Variants in RANBP17 observed in about 807,000 individuals in gnomAD.
The protein encoded by RANBP17 is RAN binding protein 17.
A neutral mutation model predicts 141.2 loss-of-function variants in RANBP17; 158 were observed. The ratio of observed to expected loss-of-function variants is 1.12; its 90% CI spans 0.98 to 1.28. RANBP17 has a LOEUF of 1.28. Ranked by LOEUF, RANBP17 falls within the 50% of genes most tolerant of loss-of-function variation. RANBP17 has a pLI of 0.00. For synonymous variants in RANBP17, 430 were observed against 450.0 expected (o/e 0.96, Z 0.56); for missense variants, 1,438 against 1,290.7 (o/e 1.11, Z -1.75).
At chr5:171,170,295 A>C (rs1760012882) in intron 15 of RANBP17, 92 bp downstream of exon 15, 1 of 524,300 alleles carries the variant, frequency 1.9e-6, no homozygotes, top group African/African-American at 2.0e-5. Flanking sequence ...TTATATATTA[A>C]TTTTTAAATA....
intron 14 of RANBP17, among the ~76,000 whole-genome samples, chr5:171,063,936 G>A (rs1215051282): frequency 1.3e-5 from 2 of 152,244 alleles, no homozygotes; most frequent in African/African-American, 2.4e-5. Context: ...AGCAGTCAGC[G>A]AGACTCCGTG....
chr5:171,127,770 AC>A (rs1756591304), intron 14 of RANBP17, among the ~76,000 whole-genome samples: 1 of 152,246 alleles, frequency 6.6e-6, no homozygotes, highest in Non-Finnish European at 1.5e-5. Flanking sequence ...GTTAATTAGT[AC>A]AACCATTGTA....
intron 16 of RANBP17, among the ~76,000 whole-genome samples, chr5:171,177,302 T>G (rs758177637): frequency 5.3e-5 from 8 of 152,172 alleles, no homozygotes; most frequent in Non-Finnish European, 1.0e-4. Context: ...GTTCTTTAGA[T>G]TTTTGTTTCA....
intron 14 of RANBP17, among the ~76,000 whole-genome samples, chr5:170,973,781 T>C (rs971431683): frequency 6.6e-6 from 1 of 152,192 alleles, no homozygotes; most frequent in African/African-American, 2.4e-5. Context: ...TAGCAGATTT[T>C]GTGTGTGGTA....
At chr5:171,210,553 C>T (rs987267697) in intron 20 of RANBP17, among the ~76,000 whole-genome samples, 3 of 152,112 alleles carry the variant, frequency 2.0e-5, no homozygotes, top group Non-Finnish European at 4.4e-5. Flanking sequence ...ATGAGCCTTC[C>T]AGATGCATTC....
intron 27 of RANBP17, among the ~76,000 whole-genome samples, chr5:171,297,691 A>G (rs1768900986): frequency 6.6e-6 from 1 of 151,806 alleles, no homozygotes; most frequent in South Asian, 2.1e-4. Context: ...AAATTTGTGT[A>G]CTGCGTCCTG....
intron 14 of RANBP17, among the ~76,000 whole-genome samples, chr5:171,144,209 A>G (rs544290801): frequency 2.0e-5 from 3 of 152,102 alleles, no homozygotes; most frequent in South Asian, 4.2e-4. Flanking sequence ...CCAAAAATAC[A>G]AAAAATTAGC....
intron 13 of RANBP17, among the ~76,000 whole-genome samples, chr5:170,966,092 A>G (rs1776539268): frequency 6.6e-6 from 1 of 152,068 alleles, no homozygotes; most frequent in Non-Finnish European, 1.5e-5. Context: ...AGATGGATTC[A>G]CAGCCGAATT....
intron 22 of RANBP17, among the ~76,000 whole-genome samples, chr5:171,227,683 T>C (rs1021255062): frequency 1.6e-4 from 24 of 152,212 alleles, no homozygotes; most frequent in Non-Finnish European, 2.5e-4. Flanking sequence ...CTTTCACAGC[T>C]AGCGAGGTGT....
intron 24 of RANBP17, among the ~76,000 whole-genome samples, chr5:171,249,418 A>G (rs1197795133): frequency 6.6e-6 from 1 of 152,224 alleles, no homozygotes; most frequent in African/African-American, 2.4e-5. Flanking sequence ...TTCTCCAGCA[A>G]TAGATCTTAC....
At chr5:170,899,266 T>C (rs553002577) in intron 5 of RANBP17, among the ~76,000 whole-genome samples, 1 of 152,338 alleles carries the variant, frequency 6.6e-6, no homozygotes, top group East Asian at 1.9e-4. Context: ...CTAGGTATTT[T>C]ATTCTCTTTG....
intron 14 of RANBP17, among the ~76,000 whole-genome samples, chr5:171,055,152 G>A (rs1274662379): frequency 2.6e-5 from 4 of 152,110 alleles, no homozygotes; most frequent in East Asian, 1.9e-4. Context: ...GGCCACTGTC[G>A]GAACCAAACT....
At chr5:170,988,773 T>TG (rs1778320025) in intron 14 of RANBP17, among the ~76,000 whole-genome samples, 1 of 151,826 alleles carries the variant, frequency 6.6e-6, no homozygotes, top group African/African-American at 2.4e-5. Context: ...TAAGGATGGA[T>TG]GTTGTTGAAC....
chr5:171,133,544 A>G (rs1021385794), intron 14 of RANBP17, among the ~76,000 whole-genome samples: 1 of 152,156 alleles, frequency 6.6e-6, no homozygotes, highest in African/African-American at 2.4e-5. Flanking sequence ...AGTTTCAACA[A>G]TCTTTCATAT....
chr5:171,255,134 A>C (rs1765805212), intron 24 of RANBP17, among the ~76,000 whole-genome samples: 1 of 152,170 alleles, frequency 6.6e-6, no homozygotes, highest in Non-Finnish European at 1.5e-5. Flanking sequence ...GTTTTGTACA[A>C]ATTATATATA....
At chr5:171,215,904 G>A (rs1489908393) in intron 21 of RANBP17, among the ~76,000 whole-genome samples, 1 of 152,076 alleles carries the variant, frequency 6.6e-6, no homozygotes, top group Non-Finnish European at 1.5e-5. Context: ...AAGCTCTTTA[G>A]TTTGATTAGA....
chr5:171,144,269 G>A (rs1194242478), intron 14 of RANBP17, among the ~76,000 whole-genome samples: 2 of 152,020 alleles, frequency 1.3e-5, no homozygotes, highest in Non-Finnish European at 2.9e-5. Flanking sequence ...GCCGAGGTGA[G>A]GTAAGAGGAT....
At chr5:170,891,054 A>G (rs566794572) in intron 3 of RANBP17, among the ~76,000 whole-genome samples, 2 of 152,180 alleles carry the variant, frequency 1.3e-5, no homozygotes, top group African/African-American at 2.4e-5. Flanking sequence ...CCTCAAGAAG[A>G]CAGTGTATAG....
At chr5:171,167,949 G>A (rs1759817875) in intron 14 of RANBP17, among the ~76,000 whole-genome samples, 1 of 152,128 alleles carries the variant, frequency 6.6e-6, no homozygotes, top group Non-Finnish European at 1.5e-5. Context: ...TGCTTAATGG[G>A]AAAAGTCGTT....
Sources: allele counts gnomAD v4.1 joint callset (sites outside exome capture counted in the v4.1 genomes callset), GRCh38; gene constraint gnomAD v4.1.1; transcripts MANE v1.5; gene names NCBI Gene and HGNC (gene_info 2026-07-23, HGNC 2026-07-21).